The following RAB11FIP3 variants were observed in gnomAD, a reference collection of about 807,000 sequenced individuals.
The protein encoded by RAB11FIP3 is RAB11 family interacting protein 3, also known as rab11 family-interacting protein 3.
A neutral mutation model predicts 77.8 loss-of-function variants in RAB11FIP3; 17 were observed. The ratio of observed to expected loss-of-function variants is 0.22; its 90% CI spans 0.15 to 0.33. The LOEUF is 0.33. Among genes scored for constraint, RAB11FIP3 ranks in the 10% least tolerant of loss-of-function variants. RAB11FIP3 has a pLI of 1.00. For synonymous variants in RAB11FIP3, 437 were observed against 448.2 expected (o/e 0.98, Z 0.31); for missense variants, 1,005 against 1,011.2 (o/e 0.99, Z 0.08).
At chr16:489,365 A>G (rs905133009) in intron 5 of RAB11FIP3, among the ~76,000 whole-genome samples, 1 of 152,172 alleles carries the variant, frequency 6.6e-6, no homozygotes, top group Admixed American at 6.5e-5. Flanking sequence ...CTTCAGATTC[A>G]TTTCCTTATA....
At chr16:444,577 A>G (rs1196243774) in intron 1 of RAB11FIP3, among the ~76,000 whole-genome samples, 1 of 152,190 alleles carries the variant, frequency 6.6e-6, no homozygotes, top group Non-Finnish European at 1.5e-5. Flanking sequence ...GCCAGGTGCC[A>G]TGGCTCACGC....
chr16:427,160 C>T (rs529713826), intron 1 of RAB11FIP3, among the ~76,000 whole-genome samples: 8 of 152,348 alleles, frequency 5.3e-5, no homozygotes, highest in Admixed American at 5.2e-4. Flanking sequence ...GGCCAGGCTG[C>T]CCAGACGCCT....
At chr16:474,372 C>T (rs866055649) in intron 3 of RAB11FIP3, among the ~76,000 whole-genome samples, 19 of 152,244 alleles carry the variant, frequency 1.2e-4, no homozygotes, top group East Asian at 7.7e-4. Flanking sequence ...TCTGCTGGCT[C>T]GCACTGTTTT....
intron 7 of RAB11FIP3, among the ~76,000 whole-genome samples, chr16:503,945 G>A (rs73481312): frequency 0.046 from 5,364 of 116,466 alleles, 183 homozygotes; most frequent in African/African-American, 0.1. Flanking sequence ...AATTCCTCCT[G>A]TACCCCTCAT....
At chr16:520,302 C>G in intron 12 of RAB11FIP3, 25 bp downstream of exon 12, 1 of 1,546,534 alleles carries the variant, frequency 6.5e-7, no homozygotes, top group Non-Finnish European at 8.7e-7. Flanking sequence ...GCCTCCCTCC[C>G]TCACACTCCT....
chr16:480,244 C>T (rs999494916), intron 3 of RAB11FIP3, among the ~76,000 whole-genome samples: 28 of 133,496 alleles, frequency 2.1e-4, no homozygotes, highest in African/African-American at 8.0e-4. Flanking sequence ...GAGATTGCAC[C>T]ACTGCACTCC....
At chr16:497,207 C>T (rs8059351) in intron 6 of RAB11FIP3, 41,095 of 1,195,864 alleles carry the variant, frequency 0.034, 1,114 homozygotes, top group African/African-American at 0.13. Flanking sequence ...TTCTCAGAGC[C>T]GGGTCTGGGC....
At position 506,325 on chromosome 16, in the gene RAB11FIP3, G is replaced by A. The variant is rs1021159309; in HGVS notation, c.1499+698G>A. Among the ~76,000 whole-genome samples the A allele has an allele frequency of 6.6e-6, 1 of 152,152 alleles. No individual in the cohort carries two copies. The highest frequency in any genetic ancestry group is 1.5e-5 in the Non-Finnish European group (1 of 68,022). On this transcript the variant is annotated intron_variant, in intron 8 of 13. Transcript: ENST00000262305. This position sits in a 1 kb window ranked among gnomAD's most constrained non-coding sequence, Gnocchi z 4.5. ...GCTTGTCCCAGGAGTCAGCTACCCAGGCTATGACACCTGTAGCTGGGCACC... is the reference window on the plus strand; with the variant it reads ...GCTTGTCCCAGGAGTCAGCTACCCAAGCTATGACACCTGTAGCTGGGCACC...
chr16:463,430 GTTTTTTTTTTTTTT>G (rs142875972), intron 2 of RAB11FIP3, among the ~76,000 whole-genome samples: 4 of 82,260 alleles, frequency 4.9e-5, no homozygotes, highest in African/African-American at 1.9e-4. Context: ...TTGTTCCCCG[GTTTTTTTTTTTTTT>G]TTTTTTTTTT....
intron 1 of RAB11FIP3, among the ~76,000 whole-genome samples, chr16:427,243 A>G (rs1248378385): frequency 1.3e-5 from 2 of 152,230 alleles, no homozygotes; most frequent in Non-Finnish European, 2.9e-5. Flanking sequence ...TTTTCTACTT[A>G]GATTTCATCT....
chr16:454,975 G>A (rs1236279733), intron 1 of RAB11FIP3, among the ~76,000 whole-genome samples: 2 of 151,470 alleles, frequency 1.3e-5, no homozygotes, highest in East Asian at 1.9e-4. Flanking sequence ...GCTTGAACCC[G>A]GGAGGTGGAG....
intron 9 of RAB11FIP3, among the ~76,000 whole-genome samples, chr16:516,985 G>T (rs574109351): frequency 3.3e-5 from 5 of 152,344 alleles, no homozygotes; most frequent in African/African-American, 9.6e-5. Flanking sequence ...AGGACAGAGC[G>T]GGCGGGAAAG....
rs11644973 is a variant in RAB11FIP3, at chr16:507,188, C to T, written c.1499+1561C>T. On this transcript the variant is annotated intron_variant, in intron 8 of 13. Coordinates refer to ENST00000262305, the MANE Select transcript of RAB11FIP3 (RefSeq NM_014700.4). The surrounding 1 kb of genome is among the most constrained non-coding windows in gnomAD (Gnocchi z 4.6). Reference sequence around the variant, plus strand: ...GTGCAGTGGCGCAATCTTGGCTCACCGCAACCTCCGCATCCCAGGTTCAAG... The same window carrying T: ...GTGCAGTGGCGCAATCTTGGCTCACTGCAACCTCCGCATCCCAGGTTCAAG... Among the ~76,000 whole-genome samples, 23,430 of 151,326 alleles carry T rather than the reference C, an allele frequency of 0.15. 2,607 individuals carry two copies. Among genetic ancestry groups the T allele is most frequent in the East Asian group, 0.65 (3,317 of 5,076 alleles).
chr16:439,140 T>A (rs1370536892), intron 1 of RAB11FIP3, among the ~76,000 whole-genome samples: 2 of 152,234 alleles, frequency 1.3e-5, no homozygotes, highest in Non-Finnish European at 1.5e-5. Context: ...TGTGCACCAC[T>A]GTACTTGGCT....
At chr16:429,892 G>A (rs1318767337) in intron 1 of RAB11FIP3, among the ~76,000 whole-genome samples, 1 of 152,108 alleles carries the variant, frequency 6.6e-6, no homozygotes, top group Non-Finnish European at 1.5e-5. Flanking sequence ...TTATTTAAAT[G>A]GATTATCTGA....
At position 479,510 on chromosome 16, in the gene RAB11FIP3, A is replaced by G. The variant is rs184892736; in HGVS notation, c.904-3015A>G. ...AGTGGATGACCAGCCTGGGCAACAG[A>G]GTGAGACCCTGATTCAAAATAAATA... On this transcript the variant is annotated intron_variant, in intron 3 of 13. Transcript: ENST00000262305. Among the ~76,000 whole-genome samples, 261 of 152,180 alleles carry G rather than the reference A, an allele frequency of 1.7e-3. 1 individual carries two copies. Among genetic ancestry groups the G allele is most frequent in the Non-Finnish European group, 2.7e-3 (187 of 68,008 alleles).
intron 9 of RAB11FIP3, among the ~76,000 whole-genome samples, chr16:515,735 G>C (rs1269452643): frequency 6.6e-6 from 1 of 151,586 alleles, no homozygotes; most frequent in South Asian, 2.1e-4. Context: ...CGGCCGACAC[G>C]TGTTGGGGTT....
chr16:443,497 G>A (rs1297306842), intron 1 of RAB11FIP3, among the ~76,000 whole-genome samples: 1 of 152,130 alleles, frequency 6.6e-6, no homozygotes, highest in Non-Finnish European at 1.5e-5. Flanking sequence ...TTTTAACCTA[G>A]TTTAAGTCAA....
chr16:474,304 G>GGT (rs2055860706), intron 3 of RAB11FIP3, among the ~76,000 whole-genome samples: 1 of 152,196 alleles, frequency 6.6e-6, no homozygotes, highest in South Asian at 2.1e-4. Flanking sequence ...GAGCATCGCA[G>GGT]TGCTCACACC....
Sources: gnomAD v4.1 joint callset for allele counts (sites outside exome capture counted in the v4.1 genomes callset) on GRCh38, gnomAD v4.1.1 for gene constraint, Gnocchi (gnomAD v3.1) non-coding constraint, MANE v1.5 for transcripts, NCBI Gene and HGNC (gene_info 2026-07-23, HGNC 2026-07-21) for gene names.